TPCN1: variants seen among roughly 807,000 people sequenced by gnomAD.
TPCN1 encodes the protein two pore segment channel 1, also known as two pore channel protein 1.
Under a neutral mutation model 108.8 loss-of-function variants are expected in TPCN1, and 52 were observed. The observed-to-expected ratio is 0.48, with a 90% CI of 0.38 to 0.60. TPCN1 has a LOEUF of 0.60. Ranked by LOEUF, TPCN1 falls within the 20% of genes least tolerant of loss-of-function variation. TPCN1 has a pLI of 0.00. For missense variants in TPCN1, 806 were observed against 1,072.8 expected (o/e 0.75, Z 3.47); for synonymous variants, 446 against 433.7 (o/e 1.03, Z -0.35).
chr12:113,296,182 A>G lies in TPCN1; in HGVS notation c.*106A>G. On this transcript the variant is annotated 3_prime_UTR_variant, in exon 28 of 28. Coordinates refer to ENST00000335509, the MANE Select transcript of TPCN1 (RefSeq NM_017901.6). ...TACACATACTCACGTATATGCACAT[A>G]TTTATATACAGGAAGAAAAAAGACA... 3 of 1,457,980 alleles carry G rather than the reference A, an allele frequency of 2.1e-6. No individual in the cohort carries two copies. The highest frequency in any genetic ancestry group is 2.3e-5 in the East Asian group (1 of 43,180). The allele number at this position is 1,457,980 out of a possible 1,614,324, so 90.3% of individuals were successfully genotyped here.
At chr12:113,240,750 T>C (rs937020577) in intron 2 of TPCN1, among the ~76,000 whole-genome samples, 2 of 142,646 alleles carry the variant, frequency 1.4e-5, no homozygotes, top group African/African-American at 2.8e-5. Context: ...GCCCATTCTT[T>C]TTTTTTTTTT....
chr12:113,252,524 G>C (rs1954681725), intron 2 of TPCN1, among the ~76,000 whole-genome samples: 1 of 152,238 alleles, frequency 6.6e-6, no homozygotes, highest in Non-Finnish European at 1.5e-5. Context: ...AGACACTCGT[G>C]TCTAGTGTCA....
rs1222265075 is a variant in TPCN1 at position 113,289,632 on chromosome 12, G to C, written c.1797-496G>C. On this transcript the variant is annotated intron_variant, in intron 21 of 27. Transcript: ENST00000335509. This position sits in a 1 kb window ranked among gnomAD's most constrained non-coding sequence, Gnocchi z 4.1. ...ATAAACATTAGCATGGATATTAACA[G>C]AACAGCCATAAAAGATTGGAAGGAA... Among the ~76,000 whole-genome samples the C allele has an allele frequency of 6.6e-6, 1 of 152,196 alleles. No individual in the cohort carries two copies. Among genetic ancestry groups the C allele is most frequent in the African/African-American group, 2.4e-5 (1 of 41,452 alleles).
intron 2 of TPCN1, among the ~76,000 whole-genome samples, chr12:113,237,512 G>A (rs61943590): frequency 0.11 from 16,456 of 151,998 alleles, 1,038 homozygotes; most frequent in East Asian, 0.21. Flanking sequence ...GTGCACCACC[G>A]CACCCTGTTA....
At position 113,272,196 on chromosome 12, in the gene TPCN1, C is replaced by T. The variant is rs541368804; in HGVS notation, c.749-462C>T. Among the ~76,000 whole-genome samples, 3 of 152,294 alleles carry T rather than the reference C, an allele frequency of 2.0e-5. No homozygotes were observed. The East Asian group carries it at 5.8e-4, about 29-fold the overall frequency. Reference sequence around the variant, plus strand: ...CAGGGACTCAGGGAGTGGTCCATTCCTGGAGGGAGGAAGTGAATGGCATTC... The same window carrying T: ...CAGGGACTCAGGGAGTGGTCCATTCTTGGAGGGAGGAAGTGAATGGCATTC... On this transcript the variant is annotated intron_variant, in intron 7 of 27. Transcript: ENST00000335509. This position sits in a 1 kb window ranked among gnomAD's most constrained non-coding sequence, Gnocchi z 4.1.
chr12:113,244,839 G>A (rs1003678079), intron 2 of TPCN1: 19 of 882,874 alleles, frequency 2.2e-5, no homozygotes, highest in Non-Finnish European at 2.4e-5. Context: ...GATTAAGATC[G>A]TGAACTGTGG....
At chr12:113,240,538 G>A (rs1474021595) in intron 2 of TPCN1, among the ~76,000 whole-genome samples, 1 of 152,180 alleles carries the variant, frequency 6.6e-6, no homozygotes, top group Non-Finnish European at 1.5e-5. Context: ...CAACCCATGA[G>A]TAGGTAATTG....
chr12:113,288,602 C>A lies in TPCN1; in HGVS notation c.1707-156C>A. 23 of 1,493,262 alleles carry A rather than the reference C, an allele frequency of 1.5e-5. No homozygotes were observed. Among genetic ancestry groups the A allele is most frequent in the Non-Finnish European group, 1.9e-5 (21 of 1,124,966 alleles). 92.5% of individuals were successfully genotyped at this position (1,493,262 alleles called of 1,614,324 possible). A position where few individuals can be genotyped will look rare whatever the true frequency, so the allele number is the denominator to read the frequency against. ...TGAGCTGTTTTTCACCCCAGAGCTG[C>A]CCCACGAGGCCCCTTCCCCGCAGGC... On this transcript the variant is annotated intron_variant, in intron 20 of 27. Coordinates refer to ENST00000335509, the MANE Select transcript of TPCN1 (RefSeq NM_017901.6). The surrounding 1 kb of genome is among the most constrained non-coding windows in gnomAD (Gnocchi z 4.8).
chr12:113,288,473 C>T lies in TPCN1; in HGVS notation c.1706+239C>T, dbSNP rs1956163523. 5 of 1,500,298 alleles carry T rather than the reference C, an allele frequency of 3.3e-6. No individual in the cohort carries two copies. The highest frequency in any genetic ancestry group is 2.1e-5 in the Admixed American group (1 of 47,312). The allele number at this position is 1,500,298 out of a possible 1,614,324, so 92.9% of individuals were successfully genotyped here. On this transcript the variant is annotated intron_variant, in intron 20 of 27. Coordinates refer to ENST00000335509, the MANE Select transcript of TPCN1 (RefSeq NM_017901.6). The surrounding 1 kb of genome is among the most constrained non-coding windows in gnomAD (Gnocchi z 4.8). ...GGGCAGGGAGCTGTCAACTCGCTTA[C>T]CACCTGTGTCTACATTCACAGGTAA... is the stretch of plus-strand genomic sequence containing the variant.
chr12:113,280,075 G>T lies in TPCN1; in HGVS notation c.1298-76G>T. ...AGGTGGTTGCACCTGCCCAGAAAGA[G>T]ATAATAATAATTAAGGATACAGTAG... On this transcript the variant is annotated intron_variant, in intron 14 of 27. Transcript: ENST00000335509. 5.8e-6 allele frequency: 7 copies of T among 1,197,420 alleles called. No individual in the cohort carries two copies. The East Asian group carries it at 7.1e-5, about 12-fold the overall frequency. 74.2% of individuals were successfully genotyped at this position (1,197,420 alleles called of 1,614,324 possible).
intron 15 of TPCN1, among the ~76,000 whole-genome samples, chr12:113,282,509 G>C (rs1004983700): frequency 1.3e-5 from 2 of 151,968 alleles, no homozygotes; most frequent in African/African-American, 4.8e-5. Context: ...CAGCACTTCA[G>C]GAGGCCGAGG....
At chr12:113,281,134 G>T (rs1204965202) in intron 15 of TPCN1, among the ~76,000 whole-genome samples, 1 of 152,146 alleles carries the variant, frequency 6.6e-6, no homozygotes, top group Admixed American at 6.5e-5. Context: ...CTGCCTCCCA[G>T]GTTCTAAGTG....
chr12:113,278,674 T>C (rs1250979558), intron 13 of TPCN1, 98 bp from the exon 14 acceptor site: 1 of 946,420 alleles, frequency 1.1e-6, no homozygotes, highest in African/African-American at 1.6e-5. Context: ...TTCCCCAGTT[T>C]AGCAGGGTGA....
rs1955981043 is a variant in TPCN1 at position 113,284,043 on chromosome 12, AC to A, written c.1343-537del. 6.6e-6 allele frequency among the ~76,000 whole-genome samples: 1 copy of A among 152,168 alleles called. No individual in the cohort carries two copies. Among genetic ancestry groups the A allele is most frequent in the South Asian group, 2.1e-4 (1 of 4,824 alleles). ...TCGTAGTCTGTTCAACCAGTCCCCT[AC>A]TGATGATCATTGAGATTGTTGCCAG... On this transcript the variant is annotated intron_variant, in intron 15 of 27. Coordinates refer to ENST00000335509, the MANE Select transcript of TPCN1 (RefSeq NM_017901.6). The surrounding 1 kb of genome is among the most constrained non-coding windows in gnomAD (Gnocchi z 4.1).
Position 113,277,352 on chromosome 12 carries a change from C to T in TPCN1, c.1172C>T (p.Thr391Ile). ...TTCAAGGCCCTGAATCAGAACAACA[C>T]ACCCCTGCTCAGGTAAGAGCAGATG... is the stretch of plus-strand genomic sequence containing the variant. ...LTFKALNQNN[T>I]PLLSLKDFYD... Residue 391 changes from threonine (T) to isoleucine (I), a missense_variant, in exon 12 of 28, where the codon ACA becomes ATA. Coordinates refer to ENST00000335509, the MANE Select transcript of TPCN1 (RefSeq NM_017901.6). The T allele has an allele frequency of 6.2e-7, 1 of 1,614,158 alleles. No homozygotes were observed. Among genetic ancestry groups the T allele is most frequent in the Non-Finnish European group, 8.5e-7 (1 of 1,180,018 alleles).
At chr12:113,264,973 A>G (rs1955196877) in intron 3 of TPCN1, among the ~76,000 whole-genome samples, 1 of 151,816 alleles carries the variant, frequency 6.6e-6, no homozygotes, top group African/African-American at 2.4e-5. Context: ...CTACAGGCGC[A>G]TGCCACCATA....
chr12:113,286,304 G>T (rs1956071825), intron 18 of TPCN1, among the ~76,000 whole-genome samples: 1 of 150,450 alleles, frequency 6.6e-6, no homozygotes, highest in Non-Finnish European at 1.5e-5. Context: ...TCCTTGATCA[G>T]CAGTAATGAG....
chr12:113,224,820 G>A (rs558493163), intron 1 of TPCN1, among the ~76,000 whole-genome samples: 1 of 152,094 alleles, frequency 6.6e-6, no homozygotes, highest in South Asian at 2.1e-4. Context: ...GCACCATCTC[G>A]GCTCACTGCA....
intron 2 of TPCN1, among the ~76,000 whole-genome samples, chr12:113,242,850 A>G (rs754327919): frequency 2.0e-5 from 3 of 152,168 alleles, no homozygotes; most frequent in Non-Finnish European, 4.4e-5. Context: ...GCCACTGGCC[A>G]CCAGCCCCCA....
Sources: gnomAD v4.1 joint callset for allele counts (sites outside exome capture counted in the v4.1 genomes callset) on GRCh38, gnomAD v4.1.1 for gene constraint, Gnocchi (gnomAD v3.1) non-coding constraint, MANE v1.5 for transcripts, NCBI Gene and HGNC (gene_info 2026-07-23, HGNC 2026-07-21) for gene names.